The following LRP2 variants were observed in gnomAD, a reference collection of about 807,000 sequenced individuals.
LRP2 encodes the protein low-density lipoprotein receptor-related protein 2.
LRP2 carries 172 observed loss-of-function variants against 531.0 expected under a neutral mutation model. The ratio of observed to expected loss-of-function variants is 0.32; its 90% CI spans 0.29 to 0.37. The LOEUF (loss-of-function observed/expected upper bound fraction) is 0.37. Ranked by LOEUF, LRP2 falls within the 10% of genes least tolerant of loss-of-function variation. The pLI is 1.00. For missense variants in LRP2, 5,167 were observed against 5,868.3 expected, an observed-to-expected ratio of 0.88 and a Z score of 3.90; for synonymous variants, 1,992 against 2,027.6, an observed-to-expected ratio of 0.98 and a Z score of 0.47.
chr2:169,199,454 A>G (rs1250350614), intron 44 of LRP2, among the ~76,000 whole-genome samples: 1 of 152,210 alleles, frequency 6.6e-6, no homozygotes, highest in Non-Finnish European at 1.5e-5. Context: ...AACTAACAAA[A>G]ATTGTCATCT....
In LRP2 at chr2:169,290,429, C is replaced by A. The variant is rs561559819; in HGVS notation, c.922+416G>T. Among the ~76,000 whole-genome samples, 142 of 152,050 alleles carry A rather than the reference C, an allele frequency of 9.3e-4. 1 individual carries two copies. Among genetic ancestry groups the A allele is most frequent in the Non-Finnish European group, 1.1e-3 (75 of 67,962 alleles). ...GTTAGGGATTAGGAACGGGGAGTTGCTAAAAAATTGTTAGGCTCTTCCCAT... is the reference window on the plus strand; with the variant it reads ...GTTAGGGATTAGGAACGGGGAGTTGATAAAAAATTGTTAGGCTCTTCCCAT... On this transcript the variant is annotated intron_variant, in intron 8 of 78. Coordinates refer to ENST00000649046, the MANE Select transcript of LRP2 (RefSeq NM_004525.3).
In LRP2 at chr2:169,176,450, A is replaced by G. The variant is rs1251306170; in HGVS notation, c.10532T>C (p.Met3511Thr). ...GCACAGGAACTGGGTGCTGGAGCAC[A>G]TGGGCATGCAGTAGGTGCTGCCACT... Reference protein sequence around the residue: ...QLSGSTYCMPMCSSTQFLCAN... With the variant: ...QLSGSTYCMPTCSSTQFLCAN... Residue 3511 changes from methionine (M) to threonine (T), a missense_variant, in exon 54 of 79, where the codon ATG becomes ACG. Around this residue, in one of 6 missense-constraint regions of LRP2, gnomAD observed 311 missense variants for 309.4 expected, o/e 1.01. Coordinates refer to ENST00000649046, the MANE Select transcript of LRP2 (RefSeq NM_004525.3). 2 of 1,614,206 alleles carry G rather than the reference A, an allele frequency of 1.2e-6. No homozygotes were observed. The highest frequency in any genetic ancestry group is 1.7e-6 in the Non-Finnish European group (2 of 1,180,046).
At chr2:169,323,130 T>C (rs1684948297) in intron 1 of LRP2, among the ~76,000 whole-genome samples, 1 of 152,172 alleles carries the variant, frequency 6.6e-6, no homozygotes, top group African/African-American at 2.4e-5. Context: ...GATGGGGAAA[T>C]GTTGCAATTA....
intron 50 of LRP2, among the ~76,000 whole-genome samples, chr2:169,184,991 G>C (rs1467028662): frequency 6.6e-6 from 1 of 151,988 alleles, no homozygotes; most frequent in East Asian, 1.9e-4. Flanking sequence ...GAACTTCTGG[G>C]CTCAAGCGAT....
Position 169,241,219 on chromosome 2 carries a change from G to T in LRP2, c.3814C>A (p.Pro1272Thr). 6.2e-7 allele frequency: 1 copy of T among 1,614,110 alleles called. No homozygotes were observed. The highest frequency in any genetic ancestry group is 8.5e-7 in the Non-Finnish European group (1 of 1,180,020). The change falls in exon 25 of 79, where the codon CCT (proline) becomes ACT (threonine). Residue 1272 changes from proline (P) to threonine (T), a missense_variant. Pro to Thr is a conservative substitution (Grantham distance 38, BLOSUM62 -1). Around this residue, in one of 6 missense-constraint regions of LRP2, gnomAD observed 2,811 missense variants for 3,058.0 expected, o/e 0.92. Coordinates refer to ENST00000649046, the MANE Select transcript of LRP2 (RefSeq NM_004525.3). The part of the protein sequence containing the change: ...EHNACVPKTC[P>T]SSYFHCDNGN... Reference sequence around the variant, plus strand: ...TTGTCACAGTGGAAATATGATGAAGGGCAAGTCTTGGGGACACAGGCATTG... The same window carrying T: ...TTGTCACAGTGGAAATATGATGAAGTGCAAGTCTTGGGGACACAGGCATTG...
At chr2:169,210,410 T>C (rs1481445443) in intron 37 of LRP2, among the ~76,000 whole-genome samples, 1 of 152,270 alleles carries the variant, frequency 6.6e-6, no homozygotes, top group East Asian at 1.9e-4. Context: ...TGACATTATG[T>C]TCTTCCTAAT....
intron 34 of LRP2, among the ~76,000 whole-genome samples, chr2:169,218,277 C>T (rs1211104181): frequency 1.3e-5 from 2 of 152,094 alleles, no homozygotes; most frequent in Non-Finnish European, 2.9e-5. Context: ...ATTTTCTGTC[C>T]CTTTGCTCTT....
chr2:169,189,441 T>C (rs1687755324), intron 48 of LRP2, among the ~76,000 whole-genome samples: 3 of 152,222 alleles, frequency 2.0e-5, no homozygotes, highest in Admixed American at 1.3e-4. Flanking sequence ...CATTTCCAAA[T>C]GGTTTGAAAA....
chr2:169,202,120 T>C (rs1274753940), intron 43 of LRP2, among the ~76,000 whole-genome samples: 1 of 152,138 alleles, frequency 6.6e-6, no homozygotes, highest in African/African-American at 2.4e-5. Flanking sequence ...AGTCATTCTG[T>C]TTCTCTATAA....
At position 169,244,927 on chromosome 2, in the gene LRP2, T is replaced by C. The variant is rs1241131950; in HGVS notation, c.3196A>G (p.Thr1066Ala). 6.2e-7 allele frequency: 1 copy of C among 1,614,218 alleles called. No individual in the cohort carries two copies. The highest frequency in any genetic ancestry group is 8.5e-7 in the Non-Finnish European group (1 of 1,180,024). The stretch of plus-strand genomic sequence containing the variant: ...CAGGTGAACGCCGAAGATGAACAGG[T>C]ATTATCTACAATAGTAACAAACTGG... ...DEQLCGTLNN[T>A]CSSSAFTCGH... Residue 1066 changes from threonine (T) to alanine (A), a missense_variant, in exon 22 of 79, where the codon ACC (threonine) becomes GCC (alanine). By Grantham distance (58) the Thr-to-Ala change is moderately conservative (BLOSUM62 0). Around this residue, in one of 6 missense-constraint regions of LRP2, gnomAD observed 2,811 missense variants for 3,058.0 expected, o/e 0.92. Transcript: ENST00000649046.
rs1175017842 is a variant in LRP2 at position 169,320,751 on chromosome 2, A to G, written c.187+26T>C. 4 of 1,579,640 alleles carry G rather than the reference A, an allele frequency of 2.5e-6. No individual in the cohort carries two copies. The South Asian group carries it at 4.4e-5, about 17-fold the overall frequency. On this transcript the variant is annotated intron_variant, in intron 2 of 78. Transcript: ENST00000649046. ...AAGCACTTAGGTTACTCAAAATAGA[A>G]CTTAGCCTGGCCCCTCCTCACTTAC... is the stretch of plus-strand genomic sequence containing the variant.
chr2:169,356,377 C>A (rs1328885052), intron 1 of LRP2, among the ~76,000 whole-genome samples: 1 of 152,206 alleles, frequency 6.6e-6, no homozygotes, highest in African/African-American at 2.4e-5. Context: ...AATACTGCAA[C>A]ATCTTCCTCC....
At chr2:169,149,345 G>A (rs1686039625) in intron 68 of LRP2, among the ~76,000 whole-genome samples, 1 of 152,154 alleles carries the variant, frequency 6.6e-6, no homozygotes, top group Non-Finnish European at 1.5e-5. Context: ...GCTGTAAGAA[G>A]GTTCAACACA....
At position 169,145,905 on chromosome 2, in the gene LRP2, A is replaced by G; in HGVS notation, c.12830T>C (p.Leu4277Pro). 3 of 1,614,122 alleles carry G rather than the reference A, an allele frequency of 1.9e-6. No individual in the cohort carries two copies. The highest frequency in any genetic ancestry group is 2.5e-6 in the Non-Finnish European group (3 of 1,180,006). ...IAKEAMNPYS[L>P]DIFEDQLYWI... ...GTATAACTGGTCTTCAAAGATGTCCAGGCTGTAAGGGTTCATTGCTGCTTA... is the reference window on the plus strand; with the variant it reads ...GTATAACTGGTCTTCAAAGATGTCCGGGCTGTAAGGGTTCATTGCTGCTTA... The change falls in exon 70 of 79, where the codon CTG becomes CCG. Residue 4277 changes from leucine (L) to proline (P), a missense_variant. Physicochemically the swap from Leu to Pro is moderately conservative, Grantham distance 98. Around this residue, in one of 6 missense-constraint regions of LRP2, gnomAD observed 564 missense variants for 747.7 expected, o/e 0.75. Transcript: ENST00000649046.
At chr2:169,340,805 G>A (rs1335349890) in intron 1 of LRP2, among the ~76,000 whole-genome samples, 1 of 152,190 alleles carries the variant, frequency 6.6e-6, no homozygotes, top group African/African-American at 2.4e-5. Context: ...GGAGCCCAGA[G>A]TAGAGCATGC....
chr2:169,153,460 C>A (rs1237720473), intron 66 of LRP2, among the ~76,000 whole-genome samples: 2 of 152,180 alleles, frequency 1.3e-5, no homozygotes, highest in African/African-American at 4.8e-5. Context: ...GCACTGGACA[C>A]CTGCTGCTTT....
rs2105353995 is a variant in LRP2 at position 169,150,972 on chromosome 2, A to G, written c.12516T>C (p.Asp4172=). ...AAATCAGCCACTTTCTGTACCTTCC[A>G]TCAAGTTTAGCCACCTCAATGCGTT... ...KNKRIEVAKL[D]GRYRKWLIST... is the part of the protein sequence containing the mutation. Residue 4172 remains aspartate, a synonymous_variant, in exon 68 of 79, where the codon GAT becomes GAC. Transcript: ENST00000649046. The G allele has an allele frequency of 6.2e-7, 1 of 1,614,154 alleles. No homozygotes were observed. The highest frequency in any genetic ancestry group is 8.5e-7 in the Non-Finnish European group (1 of 1,179,972).
chr2:169,219,344 T>A (rs1214761538), intron 34 of LRP2, among the ~76,000 whole-genome samples: 2 of 150,120 alleles, frequency 1.3e-5, no homozygotes, highest in Non-Finnish European at 3.0e-5. Context: ...ACAATCTCTT[T>A]AAAAAAAAAA....
intron 4 of LRP2, among the ~76,000 whole-genome samples, chr2:169,299,086 G>A (rs2390829): frequency 0.011 from 285 of 25,344 alleles, 38 homozygotes; most frequent in South Asian, 0.023. Context: ...AAAGAAAGAA[G>A]GAAAGAAAGA....
Sources: allele counts gnomAD v4.1 joint callset (sites outside exome capture counted in the v4.1 genomes callset), GRCh38; gene constraint gnomAD v4.1.1; regional missense constraint gnomAD v4.1.1; transcripts MANE v1.5; gene names NCBI Gene and HGNC (gene_info 2026-07-23, HGNC 2026-07-21).